FSTL4: variants seen among roughly 807,000 people sequenced by gnomAD.
FSTL4 encodes the protein follistatin like 4.
FSTL4 carries 28 observed loss-of-function variants against 78.2 expected under a neutral mutation model. The ratio of observed to expected loss-of-function variants is 0.36; its 90% CI spans 0.27 to 0.49. The LOEUF (loss-of-function observed/expected upper bound fraction) is 0.49. Ranked by LOEUF, FSTL4 falls within the 20% of genes least tolerant of loss-of-function variation. The pLI is 0.98. For synonymous variants in FSTL4, 422 were observed against 440.5 expected (o/e 0.96, Z 0.53); for missense variants, 922 against 1,084.9 (o/e 0.85, Z 2.11).
chr5:133,313,176 T>C (rs1229513781), intron 5 of FSTL4, among the ~76,000 whole-genome samples: 1 of 152,200 alleles, frequency 6.6e-6, no homozygotes, highest in Non-Finnish European at 1.5e-5. Flanking sequence ...CTGAACTCAG[T>C]GTGGGGACAG....
At chr5:133,554,913 G>A (rs897761582) in intron 3 of FSTL4, among the ~76,000 whole-genome samples, 3 of 152,182 alleles carry the variant, frequency 2.0e-5, no homozygotes, top group African/African-American at 7.2e-5. Flanking sequence ...GGTCAGAATG[G>A]TATTCTCAGT....
At position 133,199,536 on chromosome 5, in the gene FSTL4, G is replaced by A. The variant is rs544121824; in HGVS notation, c.2088C>T (p.Pro696=). The A allele has an allele frequency of 1.9e-6, 3 of 1,613,982 alleles. No homozygotes were observed. Among genetic ancestry groups the A allele is most frequent in the African/African-American group, 1.3e-5 (1 of 75,042 alleles). The change falls in exon 16 of 16, where the codon CCC becomes CCT. Residue 696 remains proline, a synonymous_variant. Transcript: ENST00000265342. This position sits in a 1 kb window ranked among gnomAD's most constrained non-coding sequence, Gnocchi z 4.4. ...CAGCACTGACTATGAAGCGCCCGTC[G>A]GGGGATGTGTGTGGGGTGCCTGTTA... The part of the protein sequence containing the change: ...GDVTGTPHTS[P]DGRFIVSAAA...
At chr5:133,709,664 C>T in the FSTL4 span, among the ~76,000 whole-genome samples, 1 of 150,572 alleles carries the variant, frequency 6.6e-6, no homozygotes, top group Non-Finnish European at 1.5e-5. Context: ...TTCTTCTTCT[C>T]CCTCACTGCC....
chr5:133,259,926 C>A (rs1160486332), intron 6 of FSTL4, among the ~76,000 whole-genome samples: 3 of 151,998 alleles, frequency 2.0e-5, no homozygotes, highest in Non-Finnish European at 1.5e-5. Flanking sequence ...CCCCACACAA[C>A]ATTGAGGTCC....
the FSTL4 span, among the ~76,000 whole-genome samples, chr5:133,809,365 CAAAAAAAA>C: frequency 1.4e-5 from 1 of 72,342 alleles, no homozygotes; most frequent in Non-Finnish European, 2.7e-5. Context: ...GACACTGTCT[CAAAAAAAA>C]AAAAAAAAAA....
chr5:133,372,245 C>CTGTG (rs1554108982), intron 4 of FSTL4, among the ~76,000 whole-genome samples: 4 of 140,122 alleles, frequency 2.9e-5, no homozygotes, highest in Non-Finnish European at 6.2e-5. Flanking sequence ...ATCTATGTAT[C>CTGTG]TATGTATGTA....
chr5:133,307,176 C>T (rs1397213773), intron 6 of FSTL4, among the ~76,000 whole-genome samples: 1 of 152,112 alleles, frequency 6.6e-6, no homozygotes, highest in East Asian at 1.9e-4. Context: ...CTCTGGAGTC[C>T]ACACTCTTAA....
chr5:133,233,869 C>G (rs1484949086), intron 7 of FSTL4, among the ~76,000 whole-genome samples: 2 of 152,192 alleles, frequency 1.3e-5, no homozygotes, highest in Admixed American at 1.3e-4. Flanking sequence ...TACCGGCTGC[C>G]TGCTTGATTC....
chr5:133,214,870 C>T lies in FSTL4; in HGVS notation c.1608+2359G>A, dbSNP rs547337167. Among the ~76,000 whole-genome samples, 41 of 152,310 alleles carry T rather than the reference C, an allele frequency of 2.7e-4. 1 individual carries two copies. Among genetic ancestry groups the T allele is most frequent in the African/African-American group, 8.2e-4 (34 of 41,570 alleles). ...AGTAGCATATAGTGCTGTAATGTCA[C>T]CTACTTTAAAAAGTTCTTTTGTCAT... On this transcript the variant is annotated intron_variant, in intron 13 of 15. Coordinates refer to ENST00000265342, the MANE Select transcript of FSTL4 (RefSeq NM_015082.2).
At chr5:133,581,749 C>T (rs1760415356) in intron 2 of FSTL4, among the ~76,000 whole-genome samples, 1 of 152,258 alleles carries the variant, frequency 6.6e-6, no homozygotes, top group Non-Finnish European at 1.5e-5. Context: ...AATTAAATCA[C>T]AATCTCTGGG....
chr5:133,609,973 A>G (rs1036573503), intron 1 of FSTL4, among the ~76,000 whole-genome samples: 4 of 152,260 alleles, frequency 2.6e-5, no homozygotes, highest in Admixed American at 6.5e-5. Flanking sequence ...AAGCAACTCA[A>G]GAAGGTTGAG....
At chr5:133,559,753 T>G (rs1271628314) in intron 3 of FSTL4, among the ~76,000 whole-genome samples, 1 of 152,240 alleles carries the variant, frequency 6.6e-6, no homozygotes. Flanking sequence ...TTAGCTCATG[T>G]GCATGAACAC....
At chr5:133,576,261 G>A (rs1760276191) in intron 2 of FSTL4, among the ~76,000 whole-genome samples, 1 of 152,174 alleles carries the variant, frequency 6.6e-6, no homozygotes, top group Non-Finnish European at 1.5e-5. Context: ...GGCACAGGGG[G>A]TGAGGCTCTG....
At chr5:133,210,102 A>C in intron 14 of FSTL4, 89 bp downstream of exon 14, 85 of 687,772 alleles carry the variant, frequency 1.2e-4, no homozygotes, top group Middle Eastern at 2.5e-4. Flanking sequence ...GTAATTAGCT[A>C]CCCGGGGAAG....
At chr5:133,720,409 G>A in the FSTL4 span, 1 of 152,540 alleles carries the variant, frequency 6.6e-6, no homozygotes, top group South Asian at 2.1e-4. Flanking sequence ...ACAATAGAAT[G>A]TATTCCCTTG....
the FSTL4 span, among the ~76,000 whole-genome samples, chr5:133,760,479 G>A: frequency 6.6e-6 from 1 of 152,208 alleles, no homozygotes; most frequent in African/African-American, 2.4e-5. Context: ...CTCTATAGAT[G>A]CACCATATTT....
At chr5:133,452,140 A>G (rs1448206855) in intron 3 of FSTL4, among the ~76,000 whole-genome samples, 2 of 152,224 alleles carry the variant, frequency 1.3e-5, no homozygotes, top group South Asian at 2.1e-4. Context: ...ACTTGGCAGA[A>G]GAGCCTTGCC....
intron 3 of FSTL4, among the ~76,000 whole-genome samples, chr5:133,533,537 T>C (rs1450705696): frequency 6.6e-6 from 1 of 152,150 alleles, no homozygotes; most frequent in Non-Finnish European, 1.5e-5. Context: ...TGAGCCACCA[T>C]GCCTGGCCAG....
chr5:133,751,969 C>T, the FSTL4 span, among the ~76,000 whole-genome samples: 5 of 152,180 alleles, frequency 3.3e-5, no homozygotes, highest in Non-Finnish European at 5.9e-5. Flanking sequence ...CCTTCTCCAC[C>T]GTCTCTGCTG....
Sources: allele counts gnomAD v4.1 joint callset (sites outside exome capture counted in the v4.1 genomes callset), GRCh38; gene constraint gnomAD v4.1.1; non-coding constraint Gnocchi (gnomAD v3.1); transcripts MANE v1.5; gene names NCBI Gene and HGNC (gene_info 2026-07-23, HGNC 2026-07-21).